The following TBXT variants were observed in gnomAD, a reference collection of about 807,000 sequenced individuals.
TBXT encodes the protein T brachyury transcription factor.
Under a neutral mutation model 41.1 loss-of-function variants are expected in TBXT, and 19 were observed. The ratio of observed to expected loss-of-function variants is 0.46; its 90% CI spans 0.32 to 0.68. The LOEUF is 0.68. TBXT is among the 30% of genes least tolerant of loss of function. TBXT has a pLI of 0.03. For synonymous variants in TBXT, 213 were observed against 238.9 expected (o/e 0.89, Z 1.00); for missense variants, 536 against 582.0 (o/e 0.92, Z 0.81).
At position 166,158,469 on chromosome 6, in the gene TBXT, G is replaced by A. The variant is rs773275146; in HGVS notation, c.1157C>T (p.Pro386Leu). Reference protein sequence around the residue: ...FFRGSPAHYTPLTHPVSAPSS... With the variant: ...FFRGSPAHYTLLTHPVSAPSS... ...GGGCGCCGAGACCGGATGGGTGAGGGGTGTGTAGTGCGCGGGGGAGCCCCG... is the reference window on the plus strand; with the variant it reads ...GGGCGCCGAGACCGGATGGGTGAGGAGTGTGTAGTGCGCGGGGGAGCCCCG... Residue 386 changes from proline to leucine, a missense_variant, in exon 8 of 8, where the codon CCC becomes CTC. Physicochemically the swap from Pro to Leu is moderately conservative, Grantham distance 98 (BLOSUM62 -3). Transcript: ENST00000366876. 6.2e-7 allele frequency: 1 copy of A among 1,613,988 alleles called. No individual in the cohort carries two copies. Among genetic ancestry groups the A allele is most frequent in the Non-Finnish European group, 8.5e-7 (1 of 1,179,982 alleles).
intron 4 of TBXT, 28 bp downstream of exon 4, chr6:166,164,772 A>C (rs1197380595): frequency 1.2e-6 from 2 of 1,612,786 alleles, no homozygotes; most frequent in African/African-American, 2.7e-5. Context: ...TCTTTGCCCA[A>C]GGGTATTTAT....
In TBXT at chr6:166,162,627, T is replaced by C. The variant is rs377561168; in HGVS notation, c.731-4A>G. On this transcript the variant is annotated splice_region_variant and splice_polypyrimidine_tract_variant and intron_variant, in intron 5 of 7. Coordinates refer to ENST00000366876, the MANE Select transcript of TBXT (RefSeq NM_001366285.2). ...CCAGGAAGAAGCCACCCCCCTGCTG[T>C]GAGAAAAGACAGTGCTGAGTAACCT... 565 of 1,608,818 alleles carry C rather than the reference T, an allele frequency of 3.5e-4. 3 individuals carry two copies. The African/African-American group carries it at 6.7e-3, about 19-fold the overall frequency.
At chr6:166,168,315 C>T (rs1309550371), upstream of TBXT, 1 of 152,308 alleles carries the variant, frequency 6.6e-6, no homozygotes, top group Non-Finnish European at 1.5e-5. Flanking sequence ...CTGGAACGTT[C>T]GCGCGGCCTC....
At position 166,161,661 on chromosome 6, in the gene TBXT, G is replaced by A. The variant is rs1189597855; in HGVS notation, c.908-695C>T. Among the ~76,000 whole-genome samples the A allele has an allele frequency of 4.6e-5, 7 of 152,220 alleles. No individual in the cohort carries two copies. In the East Asian group the frequency reaches 7.7e-4, roughly 17 times the overall value. ...ACACTGGCCAGGCGTGGTGGCTCAC[G>A]CCTGTAATCCCAGCACTTTGGGAGG... On this transcript the variant is annotated intron_variant, in intron 6 of 7. Coordinates refer to ENST00000366876, the MANE Select transcript of TBXT (RefSeq NM_001366285.2).
intron 5 of TBXT, among the ~76,000 whole-genome samples, chr6:166,163,135 T>C (rs1163827040): frequency 1.3e-5 from 2 of 152,160 alleles, no homozygotes; most frequent in African/African-American, 2.4e-5. Context: ...CCACTGAGCA[T>C]GAATACAATG....
chr6:166,159,300 A>G (rs1778882585), intron 7 of TBXT, among the ~76,000 whole-genome samples: 1 of 152,222 alleles, frequency 6.6e-6, no homozygotes, highest in Non-Finnish European at 1.5e-5. Context: ...GTTTTTATCT[A>G]GGACACCCCA....
chr6:166,162,769 A>G, intron 5 of TBXT, 146 bp from the exon 6 acceptor site: 1 of 478,518 alleles, frequency 2.1e-6, no homozygotes, highest in Non-Finnish European at 4.0e-6. Flanking sequence ...TCCAGAGAGC[A>G]GAGCCCAGGC....
intron 7 of TBXT, among the ~76,000 whole-genome samples, chr6:166,159,275 G>C (rs1778881779): frequency 6.6e-6 from 1 of 152,148 alleles, no homozygotes; most frequent in Non-Finnish European, 1.5e-5. Context: ...ACTGAGGATG[G>C]GCTTAAGTAC....
intron 4 of TBXT, 48 bp downstream of exon 4, chr6:166,164,752 T>A (rs1390088633): frequency 6.2e-7 from 1 of 1,606,770 alleles, no homozygotes; most frequent in African/African-American, 1.3e-5. Flanking sequence ...ATTTCATCTT[T>A]CTGCATACTT....
chr6:166,167,298 G>T, intron 1 of TBXT, 88 bp downstream of exon 1: 1 of 1,473,434 alleles, frequency 6.8e-7, no homozygotes, highest in Non-Finnish European at 9.3e-7. Context: ...AGGAGAAAAA[G>T]GGTTCGACCT....
intron 7 of TBXT, 102 bp from the exon 8 acceptor site, chr6:166,158,690 T>TA (rs1778865398): frequency 7.5e-7 from 1 of 1,329,126 alleles, no homozygotes; most frequent in Non-Finnish European, 9.9e-7. Context: ...GACTGTGTAA[T>TA]ATGACAGTTT....
chr6:166,158,508 C>T lies in TBXT; in HGVS notation c.1118G>A (p.Gly373Glu), dbSNP rs968547872. ...GGGGGAGCCCCGGAAGAACTGGGCC[C>T]CCAGCCCGTTGGACACGGCTGCTGC... is the stretch of plus-strand genomic sequence containing the variant. The part of the protein sequence containing the change: ...SQAAAVSNGL[G>E]AQFFRGSPAH... The change falls in exon 8 of 8, where the codon GGG becomes GAG. Residue 373 changes from glycine (G) to glutamate (E), a missense_variant. Transcript: ENST00000366876. The T allele has an allele frequency of 3.1e-6, 5 of 1,609,448 alleles. No homozygotes were observed. Among genetic ancestry groups the T allele is most frequent in the Middle Eastern group, 1.7e-4 (1 of 6,042 alleles).
At chr6:166,165,903 C>A (rs916355287) in intron 2 of TBXT, 63 bp from the exon 3 acceptor site, 10 of 1,609,578 alleles carry the variant, frequency 6.2e-6, no homozygotes, top group Middle Eastern at 3.3e-4. Flanking sequence ...GCAAAACATC[C>A]ATTTCTCCAG....
chr6:166,158,118 G>A lies in TBXT; in HGVS notation c.*197C>T. 1.3e-6 allele frequency: 1 copy of A among 793,876 alleles called. No individual in the cohort carries two copies. 49.2% of individuals were successfully genotyped at this position (793,876 alleles called of 1,614,324 possible). The stretch of plus-strand genomic sequence containing the variant: ...AGCCACCTGGGACAGCACCGCTACT[G>A]CAGGTGTGAGCAAGGGATGCTGGGG... On this transcript the variant is annotated 3_prime_UTR_variant, in exon 8 of 8. Coordinates refer to ENST00000366876, the MANE Select transcript of TBXT (RefSeq NM_001366285.2).
In TBXT at chr6:166,162,447, T is replaced by G; in HGVS notation, c.907A>C (p.Thr303Pro). The G allele has an allele frequency of 1.2e-6, 2 of 1,614,110 alleles. No homozygotes were observed. The highest frequency in any genetic ancestry group is 1.7e-6 in the Non-Finnish European group (2 of 1,180,002). The stretch of plus-strand genomic sequence containing the variant: ...TGGCAGAATGAGGCTGAGGACTCAC[T>G]TGGAGAATTGTTCCGATGAGCATAG... Reference protein sequence around the residue: ...SPYAHRNNSPTYSDNSPACLS... With the variant: ...SPYAHRNNSPPYSDNSPACLS... Residue 303 changes from threonine (T) to proline (P), a missense_variant and splice_region_variant, in exon 6 of 8, where the codon ACC becomes CCC. Physicochemically the swap from Thr to Pro is conservative, Grantham distance 38. Coordinates refer to ENST00000366876, the MANE Select transcript of TBXT (RefSeq NM_001366285.2).
Position 166,166,876 on chromosome 6 carries a change from C to T in TBXT, c.207-20G>A. 1 of 1,613,118 alleles carries T rather than the reference C, an allele frequency of 6.2e-7. No individual in the cohort carries two copies. Among genetic ancestry groups the T allele is most frequent in the Non-Finnish European group, 8.5e-7 (1 of 1,180,034 alleles). ...ATCCTCCTGGAAAACACGGGGCGGG[C>T]GCAGGAGGACCCCGACACTGACCAG... is the stretch of plus-strand genomic sequence containing the variant. On this transcript the variant is annotated intron_variant, in intron 1 of 7. Coordinates refer to ENST00000366876, the MANE Select transcript of TBXT (RefSeq NM_001366285.2).
At chr6:166,161,559 AGG>A (rs1778954861) in intron 6 of TBXT, among the ~76,000 whole-genome samples, 1 of 152,276 alleles carries the variant, frequency 6.6e-6, no homozygotes, top group African/African-American at 2.4e-5. Context: ...GAATTAGGCC[AGG>A]GGATCTTTAT....
chr6:166,167,714 C>A lies in TBXT; in HGVS notation c.-123G>T. On this transcript the variant is annotated 5_prime_UTR_variant, in exon 1 of 8. Coordinates refer to ENST00000366876, the MANE Select transcript of TBXT (RefSeq NM_001366285.2). Reference sequence around the variant, plus strand: ...GGGCCCCTTGGACCGAGACCTGCGACGGCTCCCGGGTCCCGGGTCCCGGCA... The same window carrying A: ...GGGCCCCTTGGACCGAGACCTGCGAAGGCTCCCGGGTCCCGGGTCCCGGCA... The A allele has an allele frequency of 7.5e-7, 1 of 1,328,570 alleles. No homozygotes were observed. The highest frequency in any genetic ancestry group is 1.0e-6 in the Non-Finnish European group (1 of 967,588). 82.3% of individuals were successfully genotyped at this position (1,328,570 alleles called of 1,614,324 possible).
chr6:166,166,707 G>A lies in TBXT; in HGVS notation c.356C>T (p.Ala119Val). The A allele has an allele frequency of 6.2e-7, 1 of 1,613,842 alleles. No individual in the cohort carries two copies. The highest frequency in any genetic ancestry group is 8.5e-7 in the Non-Finnish European group (1 of 1,180,040). ...GGGGTGGATGTAGACGCAGCTGGGC[G>A]CCTGCGGCTCCGGCTTGCCCCCCGG... ...WVPGGKPEPQAPSCVYIHPDS... is the reference protein window; with the variant it reads ...WVPGGKPEPQVPSCVYIHPDS... The change falls in exon 2 of 8, where the codon GCG (alanine) becomes GTG (valine). Residue 119 changes from alanine to valine, a missense_variant. By Grantham distance (64) the Ala-to-Val change is moderately conservative (BLOSUM62 0). Transcript: ENST00000366876.
Sources: gnomAD v4.1 joint callset for allele counts (sites outside exome capture counted in the v4.1 genomes callset) on GRCh38, gnomAD v4.1.1 for gene constraint, MANE v1.5 for transcripts, NCBI Gene and HGNC (gene_info 2026-07-23, HGNC 2026-07-21) for gene names.